KIAA1217: variants seen among roughly 807,000 people sequenced by gnomAD.
KIAA1217 encodes the protein KIAA1217.
In KIAA1217, 88 loss-of-function variants were observed where a neutral mutation model predicts 163.9. The ratio of observed to expected loss-of-function variants is 0.54; its 90% CI spans 0.45 to 0.64. KIAA1217 has a LOEUF of 0.64. Ranked by LOEUF, KIAA1217 falls within the 30% of genes least tolerant of loss-of-function variation. The pLI, the probability that KIAA1217 is intolerant of heterozygous loss-of-function variation, is 0.00. For missense variants in KIAA1217, 2,372 were observed against 2,475.0 expected (o/e 0.96, Z 0.88); for synonymous variants, 903 against 923.1 (o/e 0.98, Z 0.39).
chr10:23,975,175 C>G (rs754641822), intron 1 of KIAA1217, among the ~76,000 whole-genome samples: 1 of 152,126 alleles, frequency 6.6e-6, no homozygotes, highest in Non-Finnish European at 1.5e-5. Context: ...CCATGGAAGT[C>G]ACTGGCCCCA....
chr10:23,722,047 A>C (rs1315797376), intron 1 of KIAA1217, among the ~76,000 whole-genome samples: 1 of 152,208 alleles, frequency 6.6e-6, no homozygotes, highest in Non-Finnish European at 1.5e-5. Flanking sequence ...CTACAACATG[A>C]ATGAACCTCG....
At chr10:24,092,928 T>TGTGTGTTGTGTGTG (rs548350322) in intron 2 of KIAA1217, among the ~76,000 whole-genome samples, 14 of 140,952 alleles carry the variant, frequency 9.9e-5, no homozygotes, top group Non-Finnish European at 1.5e-4. Context: ...TGTGTGTGTG[T>TGTGTGTTGTGTGTG]TGTGTGTGTG....
intron 2 of KIAA1217, among the ~76,000 whole-genome samples, chr10:24,145,085 G>T (rs959561883): frequency 6.6e-6 from 1 of 152,198 alleles, no homozygotes; most frequent in Non-Finnish European, 1.5e-5. Context: ...AATTCTTAAA[G>T]GTCCTGTTTC....
intron 2 of KIAA1217, among the ~76,000 whole-genome samples, chr10:24,317,049 T>A (rs905078377): frequency 6.6e-6 from 1 of 152,106 alleles, no homozygotes; most frequent in African/African-American, 2.4e-5. Flanking sequence ...AAGGCTAGAA[T>A]TATAAATTAT....
chr10:24,054,664 T>C (rs181878714), intron 2 of KIAA1217, among the ~76,000 whole-genome samples: 1 of 152,304 alleles, frequency 6.6e-6, no homozygotes, highest in Admixed American at 6.5e-5. Flanking sequence ...ATGAGAAATA[T>C]GTCATTAGGC....
intron 1 of KIAA1217, among the ~76,000 whole-genome samples, chr10:23,860,189 C>T (rs543056035): frequency 6.6e-6 from 1 of 152,186 alleles, no homozygotes; most frequent in Admixed American, 6.5e-5. Flanking sequence ...CCTTCTTGTG[C>T]TGGTCTTTGT....
chr10:24,382,634 C>T (rs1299569216), intron 3 of KIAA1217, among the ~76,000 whole-genome samples: 1 of 151,806 alleles, frequency 6.6e-6, no homozygotes, highest in Non-Finnish European at 1.5e-5. Flanking sequence ...TGTTTGAGCT[C>T]ACACACTTAA....
intron 1 of KIAA1217, among the ~76,000 whole-genome samples, chr10:23,787,243 A>G (rs1835533787): frequency 6.6e-6 from 1 of 152,200 alleles, no homozygotes; most frequent in South Asian, 2.1e-4. Flanking sequence ...AAATACAAAA[A>G]TCCTCTTGTT....
chr10:23,713,268 G>A (rs1481067930), intron 1 of KIAA1217, among the ~76,000 whole-genome samples: 2 of 152,050 alleles, frequency 1.3e-5, no homozygotes, highest in African/African-American at 4.8e-5. Context: ...ACTTTTTGCT[G>A]CTAACTATCA....
intron 2 of KIAA1217, among the ~76,000 whole-genome samples, chr10:24,325,106 C>CG (rs546896615): frequency 5.9e-5 from 9 of 152,214 alleles, no homozygotes; most frequent in African/African-American, 1.9e-4. Flanking sequence ...AATCCATAGT[C>CG]ACCCAGAAAC....
chr10:23,882,015 A>G (rs1186480853), intron 1 of KIAA1217, among the ~76,000 whole-genome samples: 2 of 148,346 alleles, frequency 1.3e-5, no homozygotes, highest in Non-Finnish European at 3.0e-5. Flanking sequence ...TATGGTTCAC[A>G]ATTCCGTAAA....
At chr10:23,998,367 C>T (rs1205334684) in intron 1 of KIAA1217, among the ~76,000 whole-genome samples, 2 of 152,202 alleles carry the variant, frequency 1.3e-5, no homozygotes, top group Non-Finnish European at 2.9e-5. Flanking sequence ...TCCAAATCTT[C>T]AGGCATCAGT....
At chr10:23,860,256 C>T (rs375639216) in intron 1 of KIAA1217, among the ~76,000 whole-genome samples, 14 of 151,554 alleles carry the variant, frequency 9.2e-5, no homozygotes, top group African/African-American at 2.4e-4. Context: ...TTTATCTTGA[C>T]GCTAAACTCT....
At chr10:23,712,982 G>A (rs186869458) in intron 1 of KIAA1217, among the ~76,000 whole-genome samples, 132 of 152,166 alleles carry the variant, frequency 8.7e-4, no homozygotes, top group African/African-American at 3.0e-3. Flanking sequence ...CATGTAATGC[G>A]GCTTGCAGGC....
At chr10:23,886,121 A>G (rs2056711691) in intron 1 of KIAA1217, among the ~76,000 whole-genome samples, 3 of 151,816 alleles carry the variant, frequency 2.0e-5, no homozygotes, top group Admixed American at 2.0e-4. Flanking sequence ...TGCAGCTGTT[A>G]GTAGACGAAT....
chr10:24,372,673 A>G (rs564834665), intron 2 of KIAA1217, among the ~76,000 whole-genome samples: 1 of 152,244 alleles, frequency 6.6e-6, no homozygotes, highest in East Asian at 1.9e-4. Context: ...AAAGAATGTT[A>G]CCCGTAATCC....
chr10:24,247,475 A>G (rs935728611), intron 2 of KIAA1217, among the ~76,000 whole-genome samples: 4 of 152,238 alleles, frequency 2.6e-5, no homozygotes, highest in South Asian at 2.1e-4. Context: ...ATAAAAAGCC[A>G]TGTGCATTTT....
chr10:24,380,351 T>C (rs987927866), intron 2 of KIAA1217, among the ~76,000 whole-genome samples: 3 of 151,994 alleles, frequency 2.0e-5, no homozygotes, highest in African/African-American at 4.8e-5. Flanking sequence ...GGAGACCAGG[T>C]GCAGCGGGTC....
chr10:24,126,751 T>C (rs962348981), intron 2 of KIAA1217, among the ~76,000 whole-genome samples: 1 of 152,034 alleles, frequency 6.6e-6, no homozygotes, highest in Non-Finnish European at 1.5e-5. Flanking sequence ...TTCCCTTCAC[T>C]TGGCATCTAG....
Sources: gnomAD v4.1 joint callset for allele counts (sites outside exome capture counted in the v4.1 genomes callset) on GRCh38, gnomAD v4.1.1 for gene constraint, MANE v1.5 for transcripts, NCBI Gene and HGNC (gene_info 2026-07-23, HGNC 2026-07-21) for gene names.